CSMD1: variants seen among roughly 807,000 people sequenced by gnomAD.
CSMD1 encodes the protein CUB and sushi domain-containing protein 1.
In CSMD1, 213 loss-of-function variants were observed where a neutral mutation model predicts 417.5. That is an observed-to-expected ratio of 0.51 (90% CI 0.46 to 0.57). The LOEUF (loss-of-function observed/expected upper bound fraction) is 0.57. CSMD1 is among the 20% of genes least tolerant of loss of function. The pLI, the probability that CSMD1 is intolerant of heterozygous loss-of-function variation, is 0.00. For synonymous variants in CSMD1, 2,862 were observed against 1,736.8 expected (o/e 1.65, Z -16.11); for missense variants, 6,923 against 4,529.7 (o/e 1.53, Z -15.17).
At chr8:3,066,528 C>T (rs1450374874) in intron 49 of CSMD1, among the ~76,000 whole-genome samples, 1 of 152,154 alleles carries the variant, frequency 6.6e-6, no homozygotes, top group Admixed American at 6.5e-5. Context: ...TCTGGGGGTC[C>T]TTTAATTCTT....
intron 1 of CSMD1, among the ~76,000 whole-genome samples, chr8:4,926,991 A>C (rs1022645543): frequency 4.6e-5 from 7 of 152,040 alleles, no homozygotes; most frequent in African/African-American, 1.7e-4. Context: ...ATTTTCATTT[A>C]TAAAGATTCA....
intron 6 of CSMD1, among the ~76,000 whole-genome samples, chr8:3,729,037 A>G (rs1243116707): frequency 6.6e-6 from 1 of 152,120 alleles, no homozygotes; most frequent in Admixed American, 6.6e-5. Flanking sequence ...GACCAGCAAA[A>G]CTTCTAATCC....
chr8:4,013,964 AG>A (rs1796400135), intron 4 of CSMD1, among the ~76,000 whole-genome samples: 1 of 152,188 alleles, frequency 6.6e-6, no homozygotes, highest in Non-Finnish European at 1.5e-5. Flanking sequence ...AATACTTTGC[AG>A]GTCCTCAATA....
chr8:4,374,172 C>T (rs943755427), intron 3 of CSMD1, among the ~76,000 whole-genome samples: 2 of 152,080 alleles, frequency 1.3e-5, no homozygotes, highest in African/African-American at 4.8e-5. Flanking sequence ...TTTTAGATCC[C>T]CCCTCTGAGT....
chr8:3,475,759 G>A (rs150571606), intron 11 of CSMD1, among the ~76,000 whole-genome samples: 138 of 152,270 alleles, frequency 9.1e-4, no homozygotes, highest in African/African-American at 3.1e-3. Flanking sequence ...TATGTGAAGC[G>A]GTTAACCCAA....
intron 25 of CSMD1, among the ~76,000 whole-genome samples, chr8:3,294,523 G>T (rs142007426): frequency 1.3e-3 from 199 of 151,694 alleles, no homozygotes; most frequent in African/African-American, 4.4e-3. Flanking sequence ...TGGCAATGGC[G>T]GGCGCCCCTC....
intron 1 of CSMD1, among the ~76,000 whole-genome samples, chr8:4,790,223 C>T (rs1230102007): frequency 6.6e-6 from 1 of 152,090 alleles, no homozygotes; most frequent in Non-Finnish European, 1.5e-5. Context: ...GAGCACAACA[C>T]ATTCAAAATA....
At chr8:4,212,619 C>T (rs971646780) in intron 3 of CSMD1, among the ~76,000 whole-genome samples, 1 of 151,858 alleles carries the variant, frequency 6.6e-6, no homozygotes, top group Non-Finnish European at 1.5e-5. Context: ...AAACAATGAT[C>T]CTGTCTACTA....
At position 4,578,719 on chromosome 8, in the gene CSMD1, C is replaced by T. The variant is rs117496725; in HGVS notation, c.302+58623G>A. Among the ~76,000 whole-genome samples the T allele has an allele frequency of 3.4e-3, 482 of 143,592 alleles. 3 individuals carry two copies. The highest frequency in any genetic ancestry group is 7.2e-3 in the Admixed American group (100 of 13,860). The allele number at this position is 143,592 out of a possible 152,430, so 94.2% of individuals were successfully genotyped here. On this transcript the variant is annotated intron_variant, in intron 2 of 69. Coordinates refer to ENST00000635120, the MANE Select transcript of CSMD1 (RefSeq NM_033225.6). ...ATTCCAGCTACTCAAGAGGCTGAGG[C>T]AAGATAATTGCTTGAACCTGGGAGG...
intron 3 of CSMD1, among the ~76,000 whole-genome samples, chr8:4,320,907 A>G (rs1017886726): frequency 3.3e-5 from 5 of 152,082 alleles, no homozygotes; most frequent in African/African-American, 9.7e-5. Context: ...TTTCACTTAT[A>G]GTATCTTCTT....
At position 3,872,223 on chromosome 8, in the gene CSMD1, G is replaced by A. The variant is rs75400602; in HGVS notation, c.819-118181C>T. ...TGAGATCGTATACTTCATTCTGGTT[G>A]TTGTCGTTGTTGTTGTTTTTAGGGA... is the stretch of plus-strand genomic sequence containing the variant. On this transcript the variant is annotated intron_variant, in intron 5 of 69. Coordinates refer to ENST00000635120, the MANE Select transcript of CSMD1 (RefSeq NM_033225.6). Among the ~76,000 whole-genome samples, 487 of 152,284 alleles carry A rather than the reference G, an allele frequency of 3.2e-3. 10 individuals are homozygous for A. In the East Asian group the frequency reaches 0.05, roughly 16 times the overall value.
chr8:4,471,268 G>A (rs1800514056), intron 2 of CSMD1, among the ~76,000 whole-genome samples: 1 of 152,038 alleles, frequency 6.6e-6, no homozygotes, highest in African/African-American at 2.4e-5. Context: ...AAAAAATCAG[G>A]AACAATAAAT....
chr8:4,326,288 A>T (rs956337844), intron 3 of CSMD1, among the ~76,000 whole-genome samples: 14 of 152,132 alleles, frequency 9.2e-5, no homozygotes, highest in Non-Finnish European at 1.5e-5. Flanking sequence ...GGAGACTCAG[A>T]CATAGCAAGG....
chr8:3,311,643 G>A (rs965264731), intron 23 of CSMD1, among the ~76,000 whole-genome samples: 1 of 152,296 alleles, frequency 6.6e-6, no homozygotes, highest in East Asian at 1.9e-4. Flanking sequence ...GGTTGCATGG[G>A]TGCCCAAAGT....
At chr8:2,978,468 G>C (rs1805120626) in intron 55 of CSMD1, 144 bp downstream of exon 55, 3 of 654,160 alleles carry the variant, frequency 4.6e-6, no homozygotes, top group Non-Finnish European at 7.7e-6. Context: ...TCGATCTACA[G>C]CTATCATAAA....
At chr8:4,523,745 A>T (rs573140041) in intron 2 of CSMD1, among the ~76,000 whole-genome samples, 1 of 152,324 alleles carries the variant, frequency 6.6e-6, no homozygotes, top group Admixed American at 6.5e-5. Context: ...TAGGAAATAA[A>T]TAAAATAATG....
intron 3 of CSMD1, among the ~76,000 whole-genome samples, chr8:4,261,302 C>T (rs558461673): frequency 6.6e-6 from 1 of 152,040 alleles, no homozygotes; most frequent in Admixed American, 6.5e-5. Flanking sequence ...TGAAATAACC[C>T]AGGCATAGAA....
chr8:4,124,885 G>A (rs369820315), intron 3 of CSMD1, among the ~76,000 whole-genome samples: 1 of 152,126 alleles, frequency 6.6e-6, no homozygotes, highest in East Asian at 1.9e-4. Context: ...AAGGAAAAGC[G>A]GAGGGGTTAT....
At chr8:3,519,739 G>A (rs1030749771) in intron 10 of CSMD1, among the ~76,000 whole-genome samples, 5 of 152,082 alleles carry the variant, frequency 3.3e-5, no homozygotes, top group African/African-American at 7.2e-5. Context: ...TGTTTTCTGT[G>A]ATATGTGTAA....
Sources: gnomAD v4.1 joint callset for allele counts (sites outside exome capture counted in the v4.1 genomes callset) on GRCh38, gnomAD v4.1.1 for gene constraint, MANE v1.5 for transcripts, NCBI Gene and HGNC (gene_info 2026-07-23, HGNC 2026-07-21) for gene names.